STIM1: variants seen among roughly 807,000 people sequenced by gnomAD.
STIM1 encodes the protein stromal interaction molecule 1.
A neutral mutation model predicts 74.7 loss-of-function variants in STIM1; 25 were observed. The ratio of observed to expected loss-of-function variants is 0.33; its 90% CI spans 0.24 to 0.47. The LOEUF (loss-of-function observed/expected upper bound fraction) is 0.47. Ranked by LOEUF, STIM1 falls within the 20% of genes least tolerant of loss-of-function variation. The pLI, the probability that STIM1 is intolerant of heterozygous loss-of-function variation, is 1.00. For missense variants in STIM1, 728 were observed against 920.8 expected, an observed-to-expected ratio of 0.79 and a Z score of 2.71; for synonymous variants, 328 against 348.8, an observed-to-expected ratio of 0.94 and a Z score of 0.66.
chr11:3,900,616 C>T (rs987912184), intron 1 of STIM1, among the ~76,000 whole-genome samples: 7 of 152,190 alleles, frequency 4.6e-5, no homozygotes, highest in Non-Finnish European at 1.0e-4. Flanking sequence ...CAGAGTCTTT[C>T]CCTCTATTGC....
rs1491345529 is a variant in STIM1, at chr11:3,895,682, C to CTATA, written c.139+39273_139+39274insTATA. ...TCTTTCTTTCTTTCTTTCCTTCCTT[C>CTATA]CTTCTTTCTTTCTTTCTTTCTTTCT... On this transcript the variant is annotated intron_variant, in intron 1 of 12. Coordinates refer to ENST00000526596, the MANE Select transcript of STIM1 (RefSeq NM_001382567.1). Among the ~76,000 whole-genome samples, 4 of 42,616 alleles carry CTATA rather than the reference C, an allele frequency of 9.4e-5. 1 individual carries two copies. Among genetic ancestry groups the CTATA allele is most frequent in the African/African-American group, 1.3e-4 (1 of 7,870 alleles). The allele number at this position is 42,616 out of a possible 152,430, so 28.0% of individuals were successfully genotyped here.
At chr11:3,886,687 C>CA (rs199847545) in intron 1 of STIM1, among the ~76,000 whole-genome samples, 9,929 of 86,796 alleles carry the variant, frequency 0.11, 695 homozygotes, top group African/African-American at 0.18. Context: ...GACTCTGTGT[C>CA]AAAAAAAAAA....
chr11:4,019,696 A>G (rs1474902122), intron 2 of STIM1, among the ~76,000 whole-genome samples: 2 of 152,222 alleles, frequency 1.3e-5, no homozygotes, highest in Non-Finnish European at 2.9e-5. Flanking sequence ...TATAGGATAC[A>G]GTGTGATGTT....
intron 2 of STIM1, among the ~76,000 whole-genome samples, chr11:4,012,439 C>T (rs1397450431): frequency 6.6e-6 from 1 of 152,188 alleles, no homozygotes; most frequent in Non-Finnish European, 1.5e-5. Flanking sequence ...AGGTCCTTCA[C>T]ATCCCTTGTA....
intron 1 of STIM1, among the ~76,000 whole-genome samples, chr11:3,935,531 G>A (rs550576151): frequency 3.3e-5 from 5 of 152,338 alleles, no homozygotes; most frequent in African/African-American, 1.2e-4. Context: ...ACTTAGTGAA[G>A]GAGTAAATAA....
chr11:3,980,544 C>T (rs2093492091), intron 2 of STIM1, among the ~76,000 whole-genome samples: 1 of 148,960 alleles, frequency 6.7e-6, no homozygotes, highest in African/African-American at 2.5e-5. Flanking sequence ...TTGGTTGAGA[C>T]AGGAGGATCG....
intron 5 of STIM1, among the ~76,000 whole-genome samples, chr11:4,063,470 A>G (rs1490293479): frequency 6.6e-6 from 1 of 152,178 alleles, no homozygotes; most frequent in Non-Finnish European, 1.5e-5. Flanking sequence ...TTTTTAAGCA[A>G]TAAGTTATTT....
At chr11:3,864,638 C>G (rs554737708) in intron 1 of STIM1, among the ~76,000 whole-genome samples, 1 of 152,276 alleles carries the variant, frequency 6.6e-6, no homozygotes, top group South Asian at 2.1e-4. Flanking sequence ...TAGGCCATCA[C>G]TTCTTCTATA....
chr11:3,876,711 A>G (rs997286870), intron 1 of STIM1, among the ~76,000 whole-genome samples: 10 of 152,208 alleles, frequency 6.6e-5, no homozygotes, highest in East Asian at 3.9e-4. Flanking sequence ...CCTTCAATAC[A>G]TGTTTATTGA....
At chr11:4,077,783 A>G (rs11030841) in intron 7 of STIM1, among the ~76,000 whole-genome samples, 105,561 of 152,052 alleles carry the variant, frequency 0.69, 41,876 homozygotes, top group South Asian at 0.91. Context: ...TCTGCATTCT[A>G]CTGTAAGCAT....
At chr11:4,053,134 G>T (rs1186018251) in intron 3 of STIM1, among the ~76,000 whole-genome samples, 1 of 152,214 alleles carries the variant, frequency 6.6e-6, no homozygotes, top group Admixed American at 6.5e-5. Flanking sequence ...CTGTTGGTGG[G>T]ACTGTAAACT....
chr11:4,031,201 C>T (rs188341018), intron 3 of STIM1, among the ~76,000 whole-genome samples: 1 of 152,256 alleles, frequency 6.6e-6, no homozygotes, highest in East Asian at 1.9e-4. Context: ...TTTTGAGGTT[C>T]ACTTATGTTT....
chr11:3,989,352 C>T (rs2093586859), intron 2 of STIM1: 1 of 804,200 alleles, frequency 1.2e-6, no homozygotes, highest in East Asian at 2.4e-5. Context: ...CTGCCTTTTT[C>T]GGCTTCGCTT....
intron 2 of STIM1, among the ~76,000 whole-genome samples, chr11:4,009,292 C>CAA (rs778055041): frequency 3.1e-5 from 3 of 97,292 alleles, no homozygotes; most frequent in Non-Finnish European, 4.2e-5. Context: ...AAGAGTGTCT[C>CAA]AAAAAAAAAA....
intron 3 of STIM1, among the ~76,000 whole-genome samples, chr11:4,039,735 G>A (rs964905166): frequency 3.3e-5 from 5 of 151,722 alleles, no homozygotes; most frequent in African/African-American, 1.2e-4. Flanking sequence ...AGAGTAATAT[G>A]TACACATAAA....
chr11:4,070,123 C>T lies in STIM1; in HGVS notation c.711C>T (p.Ser237=). ...CWFAYIQNRY[S]KEHMKKMMKD... ...TTGCCTATATCCAGAACCGTTACTC[C>T]AAGGAGCACATGAAGAAGATGATGA... is the stretch of plus-strand genomic sequence containing the variant. Residue 237 remains serine (S), a synonymous_variant, in exon 6 of 13, where the codon TCC becomes TCT. Transcript: ENST00000526596. 2 of 1,614,136 alleles carry T rather than the reference C, an allele frequency of 1.2e-6. No individual in the cohort carries two copies. Among genetic ancestry groups the T allele is most frequent in the Non-Finnish European group, 1.7e-6 (2 of 1,180,032 alleles).
At chr11:3,865,853 A>G (rs1424715832) in intron 1 of STIM1, among the ~76,000 whole-genome samples, 2 of 152,184 alleles carry the variant, frequency 1.3e-5, no homozygotes, top group African/African-American at 4.8e-5. Flanking sequence ...GAATTTGACA[A>G]CTTTGCCTGT....
At chr11:3,907,919 A>T (rs1442238193) in intron 1 of STIM1, among the ~76,000 whole-genome samples, 1 of 152,098 alleles carries the variant, frequency 6.6e-6, no homozygotes, top group Non-Finnish European at 1.5e-5. Context: ...TTTCCTTCAG[A>T]TCTTTTGGTC....
intron 2 of STIM1, among the ~76,000 whole-genome samples, chr11:4,008,126 A>G (rs1005251137): frequency 6.6e-6 from 1 of 152,178 alleles, no homozygotes; most frequent in Admixed American, 6.5e-5. Context: ...TAAGATTATA[A>G]TATATTTTAC....
Sources: gnomAD v4.1 joint callset for allele counts (sites outside exome capture counted in the v4.1 genomes callset) on GRCh38, gnomAD v4.1.1 for gene constraint, MANE v1.5 for transcripts, NCBI Gene and HGNC (gene_info 2026-07-23, HGNC 2026-07-21) for gene names.